The following PLXNA3 variants were observed in gnomAD, a reference collection of about 807,000 sequenced individuals.
PLXNA3 encodes the protein plexin A3, also known as plexin-A3.
Under a neutral mutation model 118.8 loss-of-function variants are expected in PLXNA3, and 52 were observed. That is an observed-to-expected ratio of 0.44 (90% CI 0.35 to 0.55). PLXNA3 has a LOEUF of 0.55. PLXNA3 is among the 20% of genes least tolerant of loss of function. The pLI is 0.01. For synonymous variants in PLXNA3, 925 were observed against 762.4 expected (o/e 1.21, Z -3.51); for missense variants, 1,660 against 1,730.8 (o/e 0.96, Z 0.73).
chrX:154,469,650 C>T (rs2069151278), intron 27 of PLXNA3, 38 bp from the exon 28 acceptor site: 1 of 1,149,442 alleles, frequency 8.7e-7, no homozygotes, highest in South Asian at 1.8e-5. Context: ...GGCTTCTCAG[C>T]TTCCTGCACT....
In PLXNA3 at chrX:154,471,632, C is replaced by T; in HGVS notation, c.5514C>T (p.Arg1838=). 1 of 1,204,577 alleles carries T rather than the reference C, an allele frequency of 8.3e-7. No homozygotes were observed. The highest frequency in any genetic ancestry group is 1.1e-6 in the Non-Finnish European group (1 of 890,242). ...TGTATTTCTATGTCACCAAGTACCG[C>T]CAGGAGGTGTGTGTCATCCCCACAG... is the stretch of plus-strand genomic sequence containing the variant. The part of the protein sequence containing the change: ...NELYFYVTKY[R]QEILTALDRD... Residue 1838 remains arginine (R), a synonymous_variant, in exon 32 of 33, where the codon CGC becomes CGT. Transcript: ENST00000369682.
rs1557208534 is a variant in PLXNA3 at position 154,469,185 on chromosome X, C to A, written c.4564C>A (p.Gln1522Lys). 1.7e-6 allele frequency: 2 copies of A among 1,211,277 alleles called. No homozygotes were observed. Residue 1522 changes from glutamine (Q) to lysine (K), a missense_variant, in exon 26 of 33, where the codon CAG becomes AAG. By Grantham distance (53) the Gln-to-Lys change is moderately conservative (BLOSUM62 1). Coordinates refer to ENST00000369682, the MANE Select transcript of PLXNA3 (RefSeq NM_017514.5). ...TGTGTACAAGGGCATTCCGTACTCC[C>A]AGCGTCCCAAAGCTGAGGACATGGA... ...DTVYKGIPYS[Q>K]RPKAEDMDLE...
rs1557206008 is a variant in PLXNA3, at chrX:154,464,183, A to G, written c.1698A>G (p.Pro566=). 8.3e-7 allele frequency: 1 copy of G among 1,209,798 alleles called. No individual in the cohort carries two copies. ...VQLTVTLHNV[P]DLSAGVSCAF... is the part of the protein sequence containing the mutation. The stretch of plus-strand genomic sequence containing the variant: ...TGACCGTCACCCTGCACAACGTGCC[A>G]GACCTCAGTGCGGGCGTGAGCTGCG... The change falls in exon 8 of 33, where the codon CCA becomes CCG. Residue 566 remains proline, a synonymous_variant. Coordinates refer to ENST00000369682, the MANE Select transcript of PLXNA3 (RefSeq NM_017514.5).
In PLXNA3 at chrX:154,461,460, C is replaced by G; in HGVS notation, c.956C>G (p.Thr319Ser). 1 of 1,211,854 alleles carries G rather than the reference C, an allele frequency of 8.3e-7. No homozygotes were observed. The highest frequency in any genetic ancestry group is 1.1e-6 in the Non-Finnish European group (1 of 895,372). ...CCGGCTGATGAGGACGTCCTCTTCACCATCTTCTCTCAGGGCCAGAAGAAC... is the reference window on the plus strand; with the variant it reads ...CCGGCTGATGAGGACGTCCTCTTCAGCATCTTCTCTCAGGGCCAGAAGAAC... ...GVPADEDVLFTIFSQGQKNRA... is the reference protein window; with the variant it reads ...GVPADEDVLFSIFSQGQKNRA... The change falls in exon 3 of 33, where the codon ACC becomes AGC. Residue 319 changes from threonine to serine, a missense_variant. Thr to Ser is a moderately conservative substitution (Grantham distance 58). Around this residue, in one of 2 missense-constraint regions of PLXNA3, gnomAD observed 791 missense variants for 652.1 expected, o/e 1.21. Transcript: ENST00000369682.
In PLXNA3 at chrX:154,472,795, G is replaced by A. The variant is rs782496244; in HGVS notation, c.*110G>A. ...CGGGCTGAGCCCTGGATTGGGTATCGTGGGGCAGGTCACCCTGGCCACGAT... is the reference window on the plus strand; with the variant it reads ...CGGGCTGAGCCCTGGATTGGGTATCATGGGGCAGGTCACCCTGGCCACGAT... On this transcript the variant is annotated 3_prime_UTR_variant, in exon 33 of 33. Coordinates refer to ENST00000369682, the MANE Select transcript of PLXNA3 (RefSeq NM_017514.5). The A allele has an allele frequency of 1.3e-5, 7 of 555,485 alleles. No homozygotes were observed. The highest frequency in any genetic ancestry group is 3.4e-5 in the East Asian group (1 of 29,130). 45.8% of individuals were successfully genotyped at this position (555,485 alleles called of 1,213,427 possible).
Position 154,461,475 on chromosome X carries a change from G to C in PLXNA3, c.971G>C (p.Gly324Ala), listed in dbSNP as rs1557204462. The change falls in exon 3 of 33, where the codon GGC (glycine) becomes GCC (alanine). Residue 324 changes from glycine to alanine, a missense_variant. Around this residue, in one of 2 missense-constraint regions of PLXNA3, gnomAD observed 791 missense variants for 652.1 expected, o/e 1.21. Transcript: ENST00000369682. The part of the protein sequence containing the change: ...EDVLFTIFSQ[G>A]QKNRASPPRQ... ...GTCCTCTTCACCATCTTCTCTCAGG[G>C]CCAGAAGAACCGGGCCAGCCCACCC... 2 of 1,210,851 alleles carry C rather than the reference G, an allele frequency of 1.7e-6. No homozygotes were observed. Among genetic ancestry groups the C allele is most frequent in the African/African-American group, 1.7e-5 (1 of 57,536 alleles).
rs781931747 is a variant in PLXNA3 at position 154,466,476 on chromosome X, C to T, written c.2900C>T (p.Thr967Ile). 1.3e-5 allele frequency: 16 copies of T among 1,209,227 alleles called. No homozygotes were observed. In the African/African-American group the frequency reaches 2.4e-4, roughly 18 times the overall value. The change falls in exon 16 of 33, where the codon ACA becomes ATA. Residue 967 changes from threonine to isoleucine, a missense_variant. Coordinates refer to ENST00000369682, the MANE Select transcript of PLXNA3 (RefSeq NM_017514.5). The part of the protein sequence containing the change: ...GSSLDAGSRV[T>I]VTVRDSECQF... ...TCTCTGGATGCTGGCAGCAGGGTCA[C>T]AGTGACTGTGAGGGACAGCGAGTGC...
Position 154,468,203 on chromosome X carries a change from C to A in PLXNA3, c.3942C>A (p.His1314Gln). Reference sequence around the variant, plus strand: ...TGCTCTTCCCGGGCATCGAGGCCCACCCGGTGCTCAAGGAGCTGGATGTGA... The same window carrying A: ...TGCTCTTCCCGGGCATCGAGGCCCAACCGGTGCTCAAGGAGCTGGATGTGA... ...VRVLFPGIEA[H>Q]PVLKELDTPP... The change falls in exon 22 of 33, where the codon CAC (histidine) becomes CAA (glutamine). Residue 1314 changes from histidine (H) to glutamine (Q), a missense_variant. Physicochemically the swap from His to Gln is conservative, Grantham distance 24. Transcript: ENST00000369682. The A allele has an allele frequency of 8.5e-7, 1 of 1,181,626 alleles. No homozygotes were observed.
chrX:154,467,039 C>T lies in PLXNA3; in HGVS notation c.3108-18C>T. Reference sequence around the variant, plus strand: ...GTGCACTGGAGGAGGGAGCCTGAGGCCCCTGCCCTGTCCCTAGTGGAAGCA... The same window carrying T: ...GTGCACTGGAGGAGGGAGCCTGAGGTCCCTGCCCTGTCCCTAGTGGAAGCA... On this transcript the variant is annotated intron_variant, in intron 17 of 32. Coordinates refer to ENST00000369682, the MANE Select transcript of PLXNA3 (RefSeq NM_017514.5). 1 of 1,185,579 alleles carries T rather than the reference C, an allele frequency of 8.4e-7. No individual in the cohort carries two copies. The highest frequency in any genetic ancestry group is 1.1e-6 in the Non-Finnish European group (1 of 872,579).
Position 154,470,105 on chromosome X carries a change from G to A in PLXNA3, c.4924G>A (p.Glu1642Lys), listed in dbSNP as rs1557208915. The A allele has an allele frequency of 4.1e-6, 5 of 1,211,465 alleles. No homozygotes were observed. The highest frequency in any genetic ancestry group is 1.8e-5 in the South Asian group (1 of 57,044). The part of the protein sequence containing the change: ...VKNHDHADHR[E>K]GDRGSKMVSE... ...AAACCACGACCATGCCGACCATCGC[G>A]AGGGGGACCGTGGCAGCAAGATGGT... Residue 1642 changes from glutamate (E) to lysine (K), a missense_variant, in exon 29 of 33, where the codon GAG becomes AAG. Glu to Lys is a moderately conservative substitution (Grantham distance 56). Transcript: ENST00000369682.
Position 154,472,892 on chromosome X carries a change from G to A in PLXNA3, c.*207G>A. The A allele has an allele frequency of 2.5e-6, 1 of 398,521 alleles. No individual in the cohort carries two copies. Among genetic ancestry groups the A allele is most frequent in the Non-Finnish European group, 4.5e-6 (1 of 223,020 alleles). 32.8% of individuals were successfully genotyped at this position (398,521 alleles called of 1,213,427 possible). ...CCTGCAGGGGGAGGGGTGACAGGGCGAGCCCCCACCCCAGCAGCAGCAATA... is the reference window on the plus strand; with the variant it reads ...CCTGCAGGGGGAGGGGTGACAGGGCAAGCCCCCACCCCAGCAGCAGCAATA... On this transcript the variant is annotated 3_prime_UTR_variant, in exon 33 of 33. Transcript: ENST00000369682.
At position 154,466,383 on chromosome X, in the gene PLXNA3, C is replaced by T. The variant is rs375829543; in HGVS notation, c.2807C>T (p.Thr936Met). ...SEQVYSFVTP[T>M]FDQVSPSRGP... ...GGGCAGCTTCTCCCGCAGACCCCAACGTTTGACCAAGTGAGTCCCAGCCGT... is the reference window on the plus strand; with the variant it reads ...GGGCAGCTTCTCCCGCAGACCCCAATGTTTGACCAAGTGAGTCCCAGCCGT... The change falls in exon 16 of 33, where the codon ACG becomes ATG. Residue 936 changes from threonine to methionine, a missense_variant. Transcript: ENST00000369682. 23 of 1,210,616 alleles carry T rather than the reference C, an allele frequency of 1.9e-5. No homozygotes were observed. Among genetic ancestry groups the T allele is most frequent in the Non-Finnish European group, 2.2e-5 (20 of 895,358 alleles).
At position 154,473,774 on chromosome X, in the gene PLXNA3, C is replaced by T. The variant is rs1038284794; in HGVS notation, c.*1089C>T. The stretch of plus-strand genomic sequence containing the variant: ...GTTTGGGGAGGTTCAGGGCCATACC[C>T]GACCCATCAGCAAACCCCGGTGGCT... On this transcript the variant is annotated 3_prime_UTR_variant, in exon 33 of 33. Coordinates refer to ENST00000369682, the MANE Select transcript of PLXNA3 (RefSeq NM_017514.5). 4 of 111,128 alleles carry T rather than the reference C, an allele frequency of 3.6e-5. No individual in the cohort carries two copies. The highest frequency in any genetic ancestry group is 1.3e-4 in the African/African-American group (4 of 30,476). The allele number at this position is 111,128 out of a possible 1,213,427, so 9.2% of individuals were successfully genotyped here.
At chrX:154,471,035 T>A (rs1557209281) in intron 30 of PLXNA3, 70 bp from the exon 31 acceptor site, 3 of 864,799 alleles carry the variant, frequency 3.5e-6, no homozygotes, top group Non-Finnish European at 5.0e-6. Flanking sequence ...AGGAAAGAGA[T>A]GTGCACATGG....
In PLXNA3 at chrX:154,467,767, G is replaced by A. The variant is rs1557207812; in HGVS notation, c.3586G>A (p.Val1196Met). ...GCTCACCTCAGGCCTGTCCCCACAG[G>A]TGCTGGTGGGTGGCCTGGAGTTCTG... ...PSQTGRQPVM[V>M]LVGGLEFWLG... The change falls in exon 21 of 33, where the codon GTG becomes ATG. Residue 1196 changes from valine (V) to methionine (M), a missense_variant and splice_region_variant. Around this residue, in one of 2 missense-constraint regions of PLXNA3, gnomAD observed 869 missense variants for 1,078.7 expected, o/e 0.81. Coordinates refer to ENST00000369682, the MANE Select transcript of PLXNA3 (RefSeq NM_017514.5). 8.3e-7 allele frequency: 1 copy of A among 1,200,478 alleles called. No homozygotes were observed. The highest frequency in any genetic ancestry group is 3.0e-5 in the East Asian group (1 of 33,697).
intron 12 of PLXNA3, 44 bp from the exon 13 acceptor site, chrX:154,465,613 T>C (rs2069068343): frequency 8.4e-7 from 1 of 1,183,974 alleles, no homozygotes; most frequent in Non-Finnish European, 1.1e-6. Flanking sequence ...TTTCCACTTT[T>C]CTGCCACTGC....
chrX:154,470,500 G>A lies in PLXNA3; in HGVS notation c.5045G>A (p.Arg1682Gln), dbSNP rs1432750576. Residue 1682 changes from arginine to glutamine, a missense_variant, in exon 30 of 33, where the codon CGG (arginine) becomes CAG (glutamine). Transcript: ENST00000369682. ...GAGACAGTGTTCAGCACAGCCCACC[G>A]GGGCTCGGCCCTGCCCCTGGCCATC... ...LFETVFSTAH[R>Q]GSALPLAIKY... 8.3e-7 allele frequency: 1 copy of A among 1,211,000 alleles called. No individual in the cohort carries two copies. Among genetic ancestry groups the A allele is most frequent in the Non-Finnish European group, 1.1e-6 (1 of 894,808 alleles).
At chrX:154,464,110 A>G (rs1286822614) in intron 7 of PLXNA3, 36 bp downstream of exon 7, 3 of 1,209,842 alleles carry the variant, frequency 2.5e-6, no homozygotes, top group Admixed American at 2.2e-5. Flanking sequence ...GGGTGTGCAC[A>G]TGTGTGCTGG....
At chrX:154,470,961 A>C in intron 30 of PLXNA3, 144 bp from the exon 31 acceptor site, 1 of 482,271 alleles carries the variant, frequency 2.1e-6, no homozygotes, top group Non-Finnish European at 3.5e-6. Flanking sequence ...GACTTAGAGG[A>C]AAGGCCGTTC....
Sources: gnomAD v4.1 joint callset for allele counts on GRCh38, gnomAD v4.1.1 for gene constraint, gnomAD v4.1.1 regional missense constraint, MANE v1.5 for transcripts, NCBI Gene and HGNC (gene_info 2026-07-23, HGNC 2026-07-21) for gene names.